Variants in UNC5D observed in about 807,000 individuals in gnomAD.
The protein encoded by UNC5D is netrin receptor UNC5D.
UNC5D carries 39 observed loss-of-function variants against 105.4 expected under a neutral mutation model. That is an observed-to-expected ratio of 0.37 (90% CI 0.29 to 0.48). UNC5D has a LOEUF of 0.48. UNC5D is among the 20% of genes least tolerant of loss of function. The pLI is 0.98. For synonymous variants in UNC5D, 452 were observed against 450.4 expected, an observed-to-expected ratio of 1.00 and a Z score of -0.04; for missense variants, 991 against 1,202.4, an observed-to-expected ratio of 0.82 and a Z score of 2.60.
chr8:35,331,776 C>T (rs1371199333), intron 1 of UNC5D, among the ~76,000 whole-genome samples: 4 of 152,156 alleles, frequency 2.6e-5, no homozygotes. Flanking sequence ...GCCTTGCATC[C>T]TGCCTCTATC....
At chr8:35,746,856 C>A (rs529457670) in intron 11 of UNC5D, among the ~76,000 whole-genome samples, 3 of 152,304 alleles carry the variant, frequency 2.0e-5, no homozygotes, top group African/African-American at 7.2e-5. Context: ...ACATGAAAAG[C>A]ACTTCACCCT....
chr8:35,601,707 G>A (rs1014117339), intron 4 of UNC5D, among the ~76,000 whole-genome samples: 147 of 152,266 alleles, frequency 9.7e-4, no homozygotes, highest in African/African-American at 3.2e-3. Flanking sequence ...GGGCTGAGAC[G>A]ATGGGATTTT....
chr8:35,512,463 GCCATATAT>G (rs1812774938), intron 1 of UNC5D, among the ~76,000 whole-genome samples: 2 of 58,678 alleles, frequency 3.4e-5, no homozygotes, highest in African/African-American at 7.5e-5. Context: ...CTAATAGTGA[GCCATATAT>G]ATATATATAT....
intron 3 of UNC5D, among the ~76,000 whole-genome samples, chr8:35,586,048 G>A (rs1287486912): frequency 6.6e-6 from 1 of 152,114 alleles, no homozygotes; most frequent in African/African-American, 2.4e-5. Context: ...CGAGGCGGGT[G>A]GATCACCTGA....
In UNC5D at chr8:35,726,132, G is replaced by C; in HGVS notation, c.1304-20G>C. 1 of 1,595,292 alleles carries C rather than the reference G, an allele frequency of 6.3e-7. No homozygotes were observed. The highest frequency in any genetic ancestry group is 2.2e-5 in the East Asian group (1 of 44,532). On this transcript the variant is annotated intron_variant, in intron 9 of 16. Coordinates refer to ENST00000404895, the MANE Select transcript of UNC5D (RefSeq NM_080872.4). ...GATGCCTTTTAGTTTCTGAGTGACA[G>C]ATCAATTTTCTTTTACCAGGTAACT... is the stretch of plus-strand genomic sequence containing the variant.
intron 1 of UNC5D, among the ~76,000 whole-genome samples, chr8:35,371,088 CT>C: frequency 6.6e-6 from 1 of 151,794 alleles, no homozygotes; most frequent in Non-Finnish European, 1.5e-5. Context: ...GTAGTGTGTG[CT>C]TTAGTCGTAG....
chr8:35,760,765 CT>C (rs1801489935), intron 14 of UNC5D, among the ~76,000 whole-genome samples: 1 of 149,064 alleles, frequency 6.7e-6, no homozygotes, highest in Admixed American at 6.6e-5. Context: ...ACCTTCCATC[CT>C]TGCAGCATTT....
chr8:35,355,019 G>A (rs1365235644), intron 1 of UNC5D, among the ~76,000 whole-genome samples: 1 of 152,092 alleles, frequency 6.6e-6, no homozygotes, highest in African/African-American at 2.4e-5. Flanking sequence ...TTAAGAGACA[G>A]GAAAATGAGA....
intron 1 of UNC5D, among the ~76,000 whole-genome samples, chr8:35,316,937 G>A (rs1406097601): frequency 6.6e-6 from 1 of 152,142 alleles, no homozygotes; most frequent in Non-Finnish European, 1.5e-5. Context: ...ATATATGAAA[G>A]AAATGAAGTC....
intron 11 of UNC5D, among the ~76,000 whole-genome samples, chr8:35,739,040 G>A (rs1038904924): frequency 1.3e-5 from 2 of 152,150 alleles, no homozygotes; most frequent in African/African-American, 4.8e-5. Context: ...ATGCCTCCCA[G>A]GTAACAAAGG....
At position 35,442,936 on chromosome 8, in the gene UNC5D, A is replaced by C. The variant is rs923609610; in HGVS notation, c.104-106356A>C. Among the ~76,000 whole-genome samples, 446 of 135,256 alleles carry C rather than the reference A, an allele frequency of 3.3e-3. 5 individuals are homozygous for C. Among genetic ancestry groups the C allele is most frequent in the African/African-American group, 0.012 (413 of 35,156 alleles). 88.7% of individuals were successfully genotyped at this position (135,256 alleles called of 152,430 possible). On this transcript the variant is annotated intron_variant, in intron 1 of 16. Transcript: ENST00000404895. Reference sequence around the variant, plus strand: ...CACACACACACACACACACACACACAACACACACACACCACTGTGCTTAAG... The same window carrying C: ...CACACACACACACACACACACACACCACACACACACACCACTGTGCTTAAG...
At chr8:35,610,589 C>G (rs1820607658) in intron 4 of UNC5D, among the ~76,000 whole-genome samples, 1 of 152,058 alleles carries the variant, frequency 6.6e-6, no homozygotes, top group African/African-American at 2.4e-5. Context: ...TGATGCTATC[C>G]TAGGAGATCG....
intron 1 of UNC5D, among the ~76,000 whole-genome samples, chr8:35,441,850 A>G (rs1375591924): frequency 1.3e-5 from 2 of 151,694 alleles, no homozygotes; most frequent in African/African-American, 4.8e-5. Context: ...TTATTCATCT[A>G]ATAAGAAGCG....
At chr8:35,471,041 G>A (rs1049717062) in intron 1 of UNC5D, among the ~76,000 whole-genome samples, 5 of 152,078 alleles carry the variant, frequency 3.3e-5, no homozygotes, top group African/African-American at 9.7e-5. Context: ...AGAGATCTCA[G>A]CACTCAAACC....
At chr8:35,259,213 G>A (rs1804279541) in intron 1 of UNC5D, among the ~76,000 whole-genome samples, 1 of 152,152 alleles carries the variant, frequency 6.6e-6, no homozygotes, top group East Asian at 1.9e-4. Flanking sequence ...TTAAAGAAAA[G>A]GCTGTGGATT....
At chr8:35,474,468 A>T (rs982889175) in intron 1 of UNC5D, among the ~76,000 whole-genome samples, 6 of 152,226 alleles carry the variant, frequency 3.9e-5, no homozygotes, top group Non-Finnish European at 7.3e-5. Flanking sequence ...AGACCATTTG[A>T]GATACGATGT....
At chr8:35,720,678 GGTT>G (rs1025919279) in intron 8 of UNC5D, among the ~76,000 whole-genome samples, 1 of 152,172 alleles carries the variant, frequency 6.6e-6, no homozygotes, top group African/African-American at 2.4e-5. Context: ...ACTCAGCCAT[GGTT>G]ATGAGTGGTT....
intron 2 of UNC5D, among the ~76,000 whole-genome samples, chr8:35,557,702 T>C (rs1816651640): frequency 6.6e-6 from 1 of 152,040 alleles, no homozygotes; most frequent in African/African-American, 2.4e-5. Context: ...GAAGGCAGGC[T>C]GTATATTTAA....
chr8:35,632,401 A>C (rs529733882), intron 4 of UNC5D, among the ~76,000 whole-genome samples: 1 of 152,314 alleles, frequency 6.6e-6, no homozygotes, highest in Non-Finnish European at 1.5e-5. Context: ...TCTTATTTGT[A>C]ATCACAATGA....
Sources: allele counts gnomAD v4.1 joint callset (sites outside exome capture counted in the v4.1 genomes callset), GRCh38; gene constraint gnomAD v4.1.1; transcripts MANE v1.5; gene names NCBI Gene and HGNC (gene_info 2026-07-23, HGNC 2026-07-21).